The following UNC79 variants were observed in gnomAD, a reference collection of about 807,000 sequenced individuals.
UNC79 encodes the protein unc-79 subunit of NALCN channel complex, also known as protein unc-79 homolog.
In UNC79, 37 loss-of-function variants were observed where a neutral mutation model predicts 283.1. The observed-to-expected ratio is 0.13, with a 90% confidence interval of 0.10 to 0.17. The LOEUF (loss-of-function observed/expected upper bound fraction) is 0.17. UNC79 is among the 10% of genes least tolerant of loss of function. UNC79 has a pLI of 1.00. For synonymous variants in UNC79, 1,107 were observed against 1,200.2 expected (o/e 0.92, Z 1.61); for missense variants, 2,272 against 3,211.1 (o/e 0.71, Z 7.07).
chr14:93,579,608 G>A (rs577705310), intron 18 of UNC79, among the ~76,000 whole-genome samples: 17 of 152,200 alleles, frequency 1.1e-4, no homozygotes, highest in African/African-American at 4.1e-4. Flanking sequence ...TTCCGCATTT[G>A]GCCAGTGGGA....
At position 93,347,407 on chromosome 14, in the gene UNC79, C is replaced by T. The variant is rs757817142; in HGVS notation, c.-351+13884C>T. On this transcript the variant is annotated intron_variant, in intron 1 of 49. Transcript: ENST00000256339. ...CCTGTCTGCCGCGGTGAGTTGAGGCCCAGCCATCATGGTGGGCGGGAAGCG... is the reference window on the plus strand; with the variant it reads ...CCTGTCTGCCGCGGTGAGTTGAGGCTCAGCCATCATGGTGGGCGGGAAGCG... 53 of 1,493,602 alleles carry T rather than the reference C, an allele frequency of 3.5e-5. 1 individual carries two copies. In the South Asian group the frequency reaches 6.5e-4, roughly 18 times the overall value. The allele number at this position is 1,493,602 out of a possible 1,614,324, so 92.5% of individuals were successfully genotyped here.
chr14:93,540,888 C>T lies in UNC79; in HGVS notation c.1524+57C>T. ...TCTTATTTCTCATTTCAAAATTGTA[C>T]TGAAGAGGAATTTCTCCTGTTCTTT... is the stretch of plus-strand genomic sequence containing the variant. On this transcript the variant is annotated intron_variant, in intron 13 of 48. Coordinates refer to ENST00000555664, the Ensembl canonical transcript of UNC79. 3.1e-6 allele frequency: 5 copies of T among 1,602,196 alleles called. No homozygotes were observed. The South Asian group carries it at 5.6e-5, about 18-fold the overall frequency.
At position 93,442,433 on chromosome 14, in the gene UNC79, C is replaced by A. The variant is rs7158650; in HGVS notation, c.22+11382C>A. On this transcript the variant is annotated intron_variant, in intron 1 of 48. Coordinates refer to ENST00000555664, the Ensembl canonical transcript of UNC79. ...TTTTTAGAATTACCCACACAATATA[C>A]CTTTATTAGTCTACATGTGAACTAG... Among the ~76,000 whole-genome samples the A allele has an allele frequency of 3.9e-3, 589 of 151,842 alleles. 3 individuals are homozygous for A. The highest frequency in any genetic ancestry group is 0.014 in the African/African-American group (564 of 41,456).
intron 1 of UNC79, among the ~76,000 whole-genome samples, chr14:93,434,102 A>G (rs759876931): frequency 2.6e-5 from 4 of 152,022 alleles, no homozygotes; most frequent in African/African-American, 7.3e-5. Context: ...AATCCCAGCT[A>G]CTCAGGAGGC....
At chr14:93,671,048 A>G (rs2072797885) in intron 40 of UNC79, among the ~76,000 whole-genome samples, 1 of 152,228 alleles carries the variant, frequency 6.6e-6, no homozygotes, top group Non-Finnish European at 1.5e-5. Context: ...CATTCCATCA[A>G]CAGGGGGACT....
chr14:93,449,313 G>T (rs1446345392), intron 1 of UNC79, among the ~76,000 whole-genome samples: 2 of 152,122 alleles, frequency 1.3e-5, no homozygotes, highest in East Asian at 3.9e-4. Flanking sequence ...TTAAACTCTA[G>T]TCTCTGGTTT....
upstream of UNC79, among the ~76,000 whole-genome samples, chr14:93,426,683 G>A (rs901225281): frequency 4.6e-5 from 7 of 151,430 alleles, no homozygotes; most frequent in Non-Finnish European, 8.8e-5. Context: ...TTCACATATT[G>A]TACTTTTGAG....
chr14:93,630,722 G>A (rs2067961214), intron 30 of UNC79, 79 bp from the exon 33 acceptor site: 6 of 1,083,414 alleles, frequency 5.5e-6, no homozygotes, highest in Non-Finnish European at 8.4e-6. Context: ...TAGTAGACAA[G>A]AGGTAAAAGA....
chr14:93,374,207 C>T (rs1461568157), intron 1 of UNC79, among the ~76,000 whole-genome samples: 1 of 152,174 alleles, frequency 6.6e-6, no homozygotes, highest in Non-Finnish European at 1.5e-5. Flanking sequence ...GACCCTGGAA[C>T]TATGGAGTCA....
chr14:93,595,716 TG>T (rs1193102387), intron 23 of UNC79, among the ~76,000 whole-genome samples: 2 of 152,206 alleles, frequency 1.3e-5, no homozygotes, highest in African/African-American at 4.8e-5. Context: ...GAGTGGTTTA[TG>T]TATCCCCGGA....
chr14:93,414,412 C>A (rs1342347556), intron 1 of UNC79, among the ~76,000 whole-genome samples: 3 of 152,040 alleles, frequency 2.0e-5, no homozygotes, highest in African/African-American at 7.2e-5. Context: ...CAGTACCATA[C>A]TGTTTTGGTT....
At chr14:93,700,163 CTT>C (rs1366458971) in intron 47 of UNC79, among the ~76,000 whole-genome samples, 3 of 139,968 alleles carry the variant, frequency 2.1e-5, no homozygotes, top group Non-Finnish European at 4.5e-5. Flanking sequence ...TCATTCTTAT[CTT>C]TTTTGTCTGT....
At chr14:93,615,289 G>A (rs1375731044) in intron 27 of UNC79, among the ~76,000 whole-genome samples, 2 of 152,140 alleles carry the variant, frequency 1.3e-5, no homozygotes, top group South Asian at 2.1e-4. Flanking sequence ...AGCAATGTGC[G>A]TGTAGTCGTC....
At position 93,531,758 on chromosome 14, in the gene UNC79, T is replaced by C. The variant is rs1385670234; in HGVS notation, c.1094-792T>C. ...ATCACATTAACCCAGTGTCATAGTA[T>C]AATGGGAAGAACAGTAAATGGGGAA... On this transcript the variant is annotated intron_variant, in intron 10 of 48. Transcript: ENST00000555664. This position sits in a 1 kb window ranked among gnomAD's most constrained non-coding sequence, Gnocchi z 4.2. Among the ~76,000 whole-genome samples the C allele has an allele frequency of 1.3e-5, 2 of 152,212 alleles. No individual in the cohort carries two copies. The highest frequency in any genetic ancestry group is 2.9e-5 in the Non-Finnish European group (2 of 68,030).
intron 11 of UNC79, among the ~76,000 whole-genome samples, chr14:93,534,935 A>C (rs904149808): frequency 6.6e-6 from 1 of 152,240 alleles, no homozygotes; most frequent in Non-Finnish European, 1.5e-5. Flanking sequence ...CATTAAGTTC[A>C]TAACAGTTCA....
intron 10 of UNC79, among the ~76,000 whole-genome samples, chr14:93,529,776 G>A (rs1292363907): frequency 6.6e-6 from 1 of 152,100 alleles, no homozygotes; most frequent in Non-Finnish European, 1.5e-5. Flanking sequence ...ATGTCTCTGA[G>A]GCTCAGTTTC....
intron 7 of UNC79, among the ~76,000 whole-genome samples, chr14:93,512,068 A>G (rs2059850682): frequency 6.6e-6 from 1 of 152,146 alleles, no homozygotes; most frequent in Admixed American, 6.5e-5. Flanking sequence ...ATATTTAAAC[A>G]CTTTAATTGC....
At chr14:93,385,091 A>G (rs966194256) in intron 1 of UNC79, among the ~76,000 whole-genome samples, 35 of 152,158 alleles carry the variant, frequency 2.3e-4, no homozygotes, top group African/African-American at 6.0e-4. Context: ...ATAGCTCTGT[A>G]GTGTATAAGT....
intron 29 of UNC79, among the ~76,000 whole-genome samples, chr14:93,619,317 T>TCAGCG (rs1312638113): frequency 1.3e-5 from 2 of 152,216 alleles, no homozygotes; most frequent in Non-Finnish European, 2.9e-5. Flanking sequence ...ATGGATGTTT[T>TCAGCG]CAGCGTGGGC....
Sources: gnomAD v4.1 joint callset for allele counts (sites outside exome capture counted in the v4.1 genomes callset) on GRCh38, gnomAD v4.1.1 for gene constraint, Gnocchi (gnomAD v3.1) non-coding constraint, MANE v1.5 for transcripts, NCBI Gene and HGNC (gene_info 2026-07-23, HGNC 2026-07-21) for gene names.